Variants in TENM2 observed in about 807,000 individuals in gnomAD.
TENM2 encodes teneurin transmembrane protein 2.
TENM2 carries 52 observed loss-of-function variants against 245.2 expected under a neutral mutation model. That is an observed-to-expected ratio of 0.21 (90% CI 0.17 to 0.27). TENM2 has a LOEUF of 0.27. TENM2 is among the 10% of genes least tolerant of loss of function. The probability of loss-of-function intolerance (pLI) is 1.00; values close to 1 mark genes in which losing one functional copy is unlikely to be tolerated. For synonymous variants in TENM2, 1,363 were observed against 1,438.9 expected (o/e 0.95, Z 1.19); for missense variants, 3,046 against 3,666.8 (o/e 0.83, Z 4.37).
intron 2 of TENM2, among the ~76,000 whole-genome samples, chr5:167,846,208 C>G (rs149919298): frequency 9.5e-4 from 145 of 152,322 alleles, no homozygotes; most frequent in African/African-American, 3.3e-3. Flanking sequence ...AGGACACAGA[C>G]TGTGTCTGGT....
At chr5:167,170,142 G>C in the TENM2 span, among the ~76,000 whole-genome samples, 1 of 152,216 alleles carries the variant, frequency 6.6e-6, no homozygotes, top group Admixed American at 6.5e-5. Flanking sequence ...CTAGAGAATA[G>C]CCTATGCTGT....
intron 1 of TENM2, among the ~76,000 whole-genome samples, chr5:167,323,456 A>C (rs1756888200): frequency 6.6e-6 from 1 of 152,072 alleles, no homozygotes; most frequent in Admixed American, 6.6e-5. Flanking sequence ...ATGTATGTGG[A>C]TATATATATT....
At chr5:167,761,849 T>C (rs1291966463) in intron 2 of TENM2, among the ~76,000 whole-genome samples, 2 of 152,168 alleles carry the variant, frequency 1.3e-5, no homozygotes, top group Admixed American at 6.5e-5. Context: ...GCAATTATCA[T>C]GTATCTGCTG....
chr5:167,084,552 A>G, the TENM2 span, among the ~76,000 whole-genome samples: 1 of 151,536 alleles, frequency 6.6e-6, no homozygotes, highest in East Asian at 2.0e-4. Context: ...AACATACATT[A>G]TCTCATTTAA....
In TENM2 at chr5:168,218,552, A is replaced by T. The variant is rs1383158023; in HGVS notation, c.4661A>T (p.Asp1554Val). ...CCATCATCCTTAGCTGTAGCTCCAG[A>T]TGGTACCATTTACATTGCAGACCTT... Residue 1554 changes from aspartate to valine, a missense_variant, in exon 23 of 29, where the codon GAT becomes GTT. Asp to Val is a radical substitution (Grantham distance 152). Transcript: ENST00000518659. This position sits in a 1 kb window ranked among gnomAD's most constrained non-coding sequence, Gnocchi z 5.2. 6.2e-7 allele frequency: 1 copy of T among 1,614,016 alleles called. No individual in the cohort carries two copies. The highest frequency in any genetic ancestry group is 1.1e-5 in the South Asian group (1 of 91,072).
At chr5:168,055,845 C>G (rs1707791272) in intron 6 of TENM2, among the ~76,000 whole-genome samples, 2 of 152,182 alleles carry the variant, frequency 1.3e-5, no homozygotes. Context: ...CCCAAAGGCA[C>G]ACAGCTGGTA....
At chr5:168,075,605 T>G (rs1300465946) in intron 7 of TENM2, among the ~76,000 whole-genome samples, 1 of 152,224 alleles carries the variant, frequency 6.6e-6, no homozygotes, top group Non-Finnish European at 1.5e-5. Flanking sequence ...CACTAGAGTT[T>G]CATATGCAAG....
chr5:167,618,427 C>T (rs1286150121), intron 2 of TENM2, among the ~76,000 whole-genome samples: 1 of 152,046 alleles, frequency 6.6e-6, no homozygotes, highest in African/African-American at 2.4e-5. Context: ...AGAATCAAAT[C>T]CTCTGGGGGC....
intron 2 of TENM2, among the ~76,000 whole-genome samples, chr5:167,834,103 G>A (rs1768756013): frequency 6.7e-6 from 1 of 149,024 alleles, no homozygotes; most frequent in African/African-American, 2.5e-5. Flanking sequence ...ACATAAACAG[G>A]TAAACCAATG....
chr5:168,220,587 C>T (rs1763582731), intron 23 of TENM2, among the ~76,000 whole-genome samples: 1 of 152,044 alleles, frequency 6.6e-6, no homozygotes, highest in Admixed American at 6.6e-5. Flanking sequence ...TTGTGGGGTT[C>T]AAATGTATAG....
At chr5:167,182,852 G>A in the TENM2 span, among the ~76,000 whole-genome samples, 930 of 152,202 alleles carry the variant, frequency 6.1e-3, 9 homozygotes, top group Non-Finnish European at 9.1e-3. Context: ...TTATTTTGAG[G>A]TGATCTTATG....
rs142602677 is a variant in TENM2, at chr5:167,384,183, T to C, written c.502+8710T>C. Among the ~76,000 whole-genome samples, 253 of 152,334 alleles carry C rather than the reference T, an allele frequency of 1.7e-3. 2 individuals carry two copies. Among genetic ancestry groups the C allele is most frequent in the South Asian group, 0.013 (64 of 4,828 alleles). On this transcript the variant is annotated intron_variant, in intron 2 of 28. Coordinates refer to ENST00000518659, the Ensembl canonical transcript of TENM2. ...CAAAAATATTGACTTTGTTGTTTCT[T>C]GAAGAAACCAAGCACTCCTATGCAT... is the stretch of plus-strand genomic sequence containing the variant.
At chr5:167,192,769 A>G in the TENM2 span, among the ~76,000 whole-genome samples, 1 of 152,044 alleles carries the variant, frequency 6.6e-6, no homozygotes, top group South Asian at 2.1e-4. Flanking sequence ...CTTTGTTGAG[A>G]TGTAATAGGA....
At chr5:168,206,340 T>A (rs1762342697) in intron 19 of TENM2, among the ~76,000 whole-genome samples, 1 of 152,178 alleles carries the variant, frequency 6.6e-6, no homozygotes, top group African/African-American at 2.4e-5. Flanking sequence ...GCCTCAGTGA[T>A]CCAGTGGGCA....
chr5:167,105,200 T>C, the TENM2 span, among the ~76,000 whole-genome samples: 3 of 152,216 alleles, frequency 2.0e-5, no homozygotes, highest in African/African-American at 4.8e-5. Flanking sequence ...AATGAGTCTA[T>C]AATTTTTGAC....
intron 27 of TENM2, among the ~76,000 whole-genome samples, chr5:168,256,222 G>GTA (rs1004836891): frequency 2.7e-5 from 4 of 148,986 alleles, no homozygotes; most frequent in East Asian, 1.9e-4. Context: ...ATGTCTATAT[G>GTA]TATATATATG....
intron 2 of TENM2, among the ~76,000 whole-genome samples, chr5:167,692,655 G>C (rs1757507439): frequency 6.6e-6 from 1 of 152,324 alleles, no homozygotes; most frequent in African/African-American, 2.4e-5. Flanking sequence ...GCTTCTGGCA[G>C]AAGCAATTGT....
At chr5:167,271,203 G>A in the TENM2 span, among the ~76,000 whole-genome samples, 1 of 152,124 alleles carries the variant, frequency 6.6e-6, no homozygotes, top group Non-Finnish European at 1.5e-5. Flanking sequence ...GCATGGTGAG[G>A]AGGAGTGGGG....
intron 1 of TENM2, among the ~76,000 whole-genome samples, chr5:167,371,759 A>C (rs950521107): frequency 6.6e-6 from 1 of 152,148 alleles, no homozygotes; most frequent in African/African-American, 2.4e-5. Context: ...TGTAAATGTC[A>C]TGGACTATAT....
Sources: gnomAD v4.1 joint callset for allele counts (sites outside exome capture counted in the v4.1 genomes callset) on GRCh38, gnomAD v4.1.1 for gene constraint, Gnocchi (gnomAD v3.1) non-coding constraint, MANE v1.5 for transcripts, NCBI Gene and HGNC (gene_info 2026-07-23, HGNC 2026-07-21) for gene names.